The following TBC1D5 variants were observed in gnomAD, a reference collection of about 807,000 sequenced individuals.
TBC1D5 encodes TBC1 domain family member 5, also known as TBC1 domain family, member 5.
In TBC1D5, 75 loss-of-function variants were observed where a neutral mutation model predicts 100.3. The ratio of observed to expected loss-of-function variants is 0.75; its 90% CI spans 0.62 to 0.91. The LOEUF is 0.91. Ranked by LOEUF, TBC1D5 falls within the 40% of genes least tolerant of loss-of-function variation. TBC1D5 has a pLI of 0.00. For missense variants in TBC1D5, 910 were observed against 942.4 expected (o/e 0.97, Z 0.45); for synonymous variants, 323 against 325.6 (o/e 0.99, Z 0.09).
chr3:17,580,264 T>C (rs940813128), intron 2 of TBC1D5, among the ~76,000 whole-genome samples: 2 of 152,182 alleles, frequency 1.3e-5, no homozygotes, highest in South Asian at 2.1e-4. Context: ...AAATGCCTAC[T>C]GTATGCCTTA....
At chr3:17,284,048 A>T (rs1238381704) in intron 15 of TBC1D5, among the ~76,000 whole-genome samples, 1 of 148,808 alleles carries the variant, frequency 6.7e-6, no homozygotes, top group East Asian at 1.9e-4. Context: ...TACCTAAATT[A>T]GGTCTTCTCT....
At chr3:17,351,162 C>T (rs757302077) in intron 13 of TBC1D5, among the ~76,000 whole-genome samples, 5 of 152,098 alleles carry the variant, frequency 3.3e-5, no homozygotes, top group Admixed American at 2.0e-4. Flanking sequence ...AGTACAAATA[C>T]TGATTTCAAC....
At chr3:17,492,354 C>T (rs2095649778) in intron 3 of TBC1D5, among the ~76,000 whole-genome samples, 1 of 151,832 alleles carries the variant, frequency 6.6e-6, no homozygotes, top group Admixed American at 6.6e-5. Flanking sequence ...GCTATTGGTT[C>T]TCTAGTTCTT....
chr3:17,279,091 T>G (rs2080319683), intron 15 of TBC1D5, among the ~76,000 whole-genome samples: 1 of 152,242 alleles, frequency 6.6e-6, no homozygotes, highest in South Asian at 2.1e-4. Context: ...TTGCTTATGT[T>G]TTCAAAATAT....
chr3:17,498,741 A>C (rs914197438), intron 3 of TBC1D5, among the ~76,000 whole-genome samples: 4 of 152,170 alleles, frequency 2.6e-5, no homozygotes, highest in African/African-American at 9.7e-5. Flanking sequence ...AAACCTCCTA[A>C]AGACAAACAC....
At chr3:17,512,700 A>G (rs1210037975) in intron 2 of TBC1D5, among the ~76,000 whole-genome samples, 3 of 152,202 alleles carry the variant, frequency 2.0e-5, no homozygotes, top group Non-Finnish European at 2.9e-5. Flanking sequence ...TTCCTTTGTT[A>G]CACTTACTGT....
chr3:17,504,712 C>T (rs1347711111), intron 3 of TBC1D5, among the ~76,000 whole-genome samples: 1 of 152,110 alleles, frequency 6.6e-6, no homozygotes, highest in African/African-American at 2.4e-5. Flanking sequence ...AAGATGACTC[C>T]AGCTAGTTAG....
chr3:17,468,294 G>T lies in TBC1D5; in HGVS notation c.98-39775C>A, dbSNP rs1576181049. ...ACATGTTTGGCAGCTCTTACCCTAG[G>T]ACCTTTACACTTGCTATTTCCTCAG... On this transcript the variant is annotated intron_variant, in intron 3 of 21. Transcript: ENST00000253692. Among the ~76,000 whole-genome samples, 2 of 152,198 alleles carry T rather than the reference G, an allele frequency of 1.3e-5. 1 individual carries two copies. The highest frequency in any genetic ancestry group is 4.2e-4 in the South Asian group (2 of 4,812).
chr3:17,276,640 T>A (rs1327482121), intron 15 of TBC1D5, among the ~76,000 whole-genome samples: 2 of 152,190 alleles, frequency 1.3e-5, no homozygotes, highest in Non-Finnish European at 2.9e-5. Context: ...TTTTAGTTTT[T>A]CCCTTAGAGA....
chr3:17,343,530 T>A (rs547877060), intron 13 of TBC1D5, among the ~76,000 whole-genome samples: 41 of 141,570 alleles, frequency 2.9e-4, no homozygotes, highest in African/African-American at 1.0e-3. Flanking sequence ...TGGAATAGTT[T>A]CAGAAGGAAT....
At chr3:17,330,301 T>A (rs35303219) in intron 13 of TBC1D5, among the ~76,000 whole-genome samples, 1 of 152,242 alleles carries the variant, frequency 6.6e-6, no homozygotes, top group African/African-American at 2.4e-5. Flanking sequence ...AGGCTAACTG[T>A]CCTTGGCACC....
intron 1 of TBC1D5, among the ~76,000 whole-genome samples, chr3:17,680,387 A>AT (rs1278752632): frequency 6.7e-6 from 1 of 150,292 alleles, no homozygotes; most frequent in Admixed American, 6.6e-5. Context: ...TATCTGGCTG[A>AT]TTTTTTTTAT....
chr3:17,216,738 A>C (rs1331988233), intron 17 of TBC1D5, among the ~76,000 whole-genome samples: 2 of 151,960 alleles, frequency 1.3e-5, no homozygotes, highest in African/African-American at 2.4e-5. Context: ...TAATAATCTC[A>C]ATAACACGGG....
In TBC1D5 at chr3:17,366,278, C is replaced by T. The variant is rs1435861486; in HGVS notation, c.995+5797G>A. Among the ~76,000 whole-genome samples, 4 of 151,022 alleles carry T rather than the reference C, an allele frequency of 2.6e-5. 1 individual carries two copies. In the South Asian group the frequency reaches 6.3e-4, roughly 24 times the overall value. Reference sequence around the variant, plus strand: ...CTGCGCTCCAGCCTGAGTGACAGAGCGAGACCCCCTCTCAAACAAACAAAC... The same window carrying T: ...CTGCGCTCCAGCCTGAGTGACAGAGTGAGACCCCCTCTCAAACAAACAAAC... On this transcript the variant is annotated intron_variant, in intron 13 of 21. Transcript: ENST00000253692.
chr3:17,669,038 T>C (rs371843585), intron 1 of TBC1D5, among the ~76,000 whole-genome samples: 13 of 152,210 alleles, frequency 8.5e-5, no homozygotes, highest in African/African-American at 2.9e-4. Flanking sequence ...TGAATTGTAG[T>C]TCCCATAATC....
chr3:17,604,863 A>T (rs374134891), intron 2 of TBC1D5, among the ~76,000 whole-genome samples: 24 of 152,104 alleles, frequency 1.6e-4, no homozygotes, highest in African/African-American at 5.8e-4. Context: ...TTTAGTAGAG[A>T]CAGGGTTTCA....
chr3:17,413,933 T>C (rs2094000332), intron 4 of TBC1D5, among the ~76,000 whole-genome samples: 1 of 152,208 alleles, frequency 6.6e-6, no homozygotes, highest in Non-Finnish European at 1.5e-5. Flanking sequence ...CTTAGGCTTC[T>C]ACTGACAATG....
At chr3:17,546,427 A>C (rs1172263395) in intron 2 of TBC1D5, among the ~76,000 whole-genome samples, 1 of 152,162 alleles carries the variant, frequency 6.6e-6, no homozygotes, top group East Asian at 1.9e-4. Flanking sequence ...TTACTGAATT[A>C]ACACTGTTAC....
intron 18 of TBC1D5, among the ~76,000 whole-genome samples, chr3:17,190,252 A>G (rs2069699200): frequency 6.6e-6 from 1 of 152,228 alleles, no homozygotes; most frequent in Admixed American, 6.5e-5. Flanking sequence ...AAAAGTTTAG[A>G]GGATGGTCAA....
Sources: gnomAD v4.1 joint callset for allele counts (sites outside exome capture counted in the v4.1 genomes callset) on GRCh38, gnomAD v4.1.1 for gene constraint, MANE v1.5 for transcripts, NCBI Gene and HGNC (gene_info 2026-07-23, HGNC 2026-07-21) for gene names.